STEAP3: variants seen among roughly 807,000 people sequenced by gnomAD.
STEAP3 encodes the protein STEAP3 metalloreductase.
STEAP3 carries 35 observed loss-of-function variants against 34.9 expected under a neutral mutation model. The observed-to-expected ratio is 1.00, with a 90% CI of 0.76 to 1.33. The LOEUF (loss-of-function observed/expected upper bound fraction) is 1.33, where lower values mean the gene tolerates loss of function less well. STEAP3 is among the 40% of genes most tolerant of loss of function. The pLI, the probability that STEAP3 is intolerant of heterozygous loss-of-function variation, is 0.00. For missense variants in STEAP3, 652 were observed against 667.6 expected, an observed-to-expected ratio of 0.98 and a Z score of 0.26; for synonymous variants, 281 against 301.6, an observed-to-expected ratio of 0.93 and a Z score of 0.71.
At position 119,247,663 on chromosome 2, in the gene STEAP3, CA is replaced by C; in HGVS notation, c.523-15del. ...GGCCTGTGACGCCGTCTGACTGCCCCACTTTTCTCCCGCAGGTGCCCATCTG... is the reference window on the plus strand; with the variant it reads ...GGCCTGTGACGCCGTCTGACTGCCCCCTTTTCTCCCGCAGGTGCCCATCTG... On this transcript the variant is annotated splice_polypyrimidine_tract_variant and intron_variant, in intron 3 of 5. Transcript: ENST00000393110. 1.3e-6 allele frequency: 2 copies of C among 1,513,398 alleles called. No homozygotes were observed. The highest frequency in any genetic ancestry group is 1.8e-6 in the Non-Finnish European group (2 of 1,137,284). 93.7% of individuals were successfully genotyped at this position (1,513,398 alleles called of 1,614,324 possible).
At chr2:119,259,650 A>G (rs1307952377) in intron 5 of STEAP3, among the ~76,000 whole-genome samples, 2 of 152,240 alleles carry the variant, frequency 1.3e-5, no homozygotes, top group East Asian at 1.9e-4. Context: ...AGCAAAATTC[A>G]TCACTCTCCA....
intron 2 of STEAP3, among the ~76,000 whole-genome samples, chr2:119,241,692 C>T (rs139446479): frequency 6.6e-5 from 10 of 152,314 alleles, no homozygotes; most frequent in African/African-American, 1.9e-4. Flanking sequence ...GACCAGCTCC[C>T]CTCGGCTGCA....
chr2:119,245,175 G>T (rs10196222), intron 2 of STEAP3: 1 of 378,688 alleles, frequency 2.6e-6, no homozygotes, highest in East Asian at 4.3e-5. Flanking sequence ...CATCACATTG[G>T]TCATGGAAAT....
chr2:119,249,400 T>A (rs1158747780), intron 4 of STEAP3, among the ~76,000 whole-genome samples: 2 of 152,058 alleles, frequency 1.3e-5, no homozygotes, highest in Non-Finnish European at 2.9e-5. Flanking sequence ...ACACTGTCTT[T>A]ATTTTCTCCA....
chr2:119,263,052 C>T lies in STEAP3; in HGVS notation c.1216-5C>T. 6.2e-7 allele frequency: 1 copy of T among 1,601,774 alleles called. No homozygotes were observed. Among genetic ancestry groups the T allele is most frequent in the African/African-American group, 1.3e-5 (1 of 74,972 alleles). On this transcript the variant is annotated splice_polypyrimidine_tract_variant and splice_region_variant and intron_variant, in intron 5 of 5. Coordinates refer to ENST00000393110, the MANE Select transcript of STEAP3 (RefSeq NM_182915.3). ...CCTCACTCCAGCCTTTTTTTCCCTC[C>T]ACAGTCCTCACTGGGCTTTGTGGCC...
chr2:119,226,013 A>C (rs1444959986), intron 1 of STEAP3, among the ~76,000 whole-genome samples: 3 of 152,246 alleles, frequency 2.0e-5, no homozygotes, highest in Non-Finnish European at 4.4e-5. Flanking sequence ...AGACCGAACC[A>C]CTAGCTTTCC....
At chr2:119,223,931 G>T (rs186044038) in intron 1 of STEAP3, 43 bp downstream of exon 1, 2 of 152,264 alleles carry the variant, frequency 1.3e-5, no homozygotes, top group Non-Finnish European at 2.9e-5. Flanking sequence ...TGCGTGCTGC[G>T]CCCGGTCCCC....
intron 3 of STEAP3, 25 bp from the exon 4 acceptor site, chr2:119,247,654 T>G: frequency 6.6e-7 from 1 of 1,510,000 alleles, no homozygotes. Flanking sequence ...TGACGCCGTC[T>G]GACTGCCCCA....
chr2:119,255,312 C>T (rs838075), intron 5 of STEAP3, among the ~76,000 whole-genome samples: 9,588 of 152,114 alleles, frequency 0.063, 356 homozygotes, highest in Non-Finnish European at 0.081. Context: ...TCCCCTTAAC[C>T]CCTTGATTCA....
At chr2:119,257,091 T>C in intron 5 of STEAP3, among the ~76,000 whole-genome samples, 1 of 152,106 alleles carries the variant, frequency 6.6e-6, no homozygotes, top group Non-Finnish European at 1.5e-5. Flanking sequence ...GTTTGCAAAC[T>C]GGCGGACACT....
intron 4 of STEAP3, among the ~76,000 whole-genome samples, chr2:119,253,260 C>G (rs838077): frequency 0.059 from 8,931 of 152,274 alleles, 323 homozygotes; most frequent in Non-Finnish European, 0.081. Context: ...TCCCTAGACT[C>G]CTGGTCCCTT....
At chr2:119,249,641 G>A (rs898022924) in intron 4 of STEAP3, among the ~76,000 whole-genome samples, 16 of 152,018 alleles carry the variant, frequency 1.1e-4, no homozygotes, top group Non-Finnish European at 1.6e-4. Flanking sequence ...CATCCCCTCC[G>A]AGCATGGGGG....
chr2:119,249,604 C>T (rs553047173), intron 4 of STEAP3, among the ~76,000 whole-genome samples: 12 of 152,216 alleles, frequency 7.9e-5, no homozygotes, highest in African/African-American at 2.9e-4. Flanking sequence ...TGAGGCTGGG[C>T]CCTCCCCTAA....
chr2:119,248,439 G>T, intron 4 of STEAP3: 2 of 556,352 alleles, frequency 3.6e-6, no homozygotes, highest in Non-Finnish European at 6.3e-6. Context: ...AGTTGGGGCA[G>T]ACTTAAACAA....
At chr2:119,243,793 C>T (rs1240718562) in intron 2 of STEAP3, among the ~76,000 whole-genome samples, 1 of 152,248 alleles carries the variant, frequency 6.6e-6, no homozygotes, top group African/African-American at 2.4e-5. Context: ...ACAGCTGCTT[C>T]ATAGCAGAGC....
intron 1 of STEAP3, among the ~76,000 whole-genome samples, chr2:119,227,793 C>G (rs2104785680): frequency 7.0e-6 from 1 of 142,188 alleles, no homozygotes; most frequent in Non-Finnish European, 1.6e-5. Context: ...TGTGAGGGAA[C>G]AAGCTTCCCA....
chr2:119,224,485 C>T (rs1678975138), intron 1 of STEAP3, among the ~76,000 whole-genome samples: 3 of 152,210 alleles, frequency 2.0e-5, no homozygotes, highest in Admixed American at 2.0e-4. Flanking sequence ...CGGCAAAGCT[C>T]CCCCTCCTGC....
chr2:119,231,867 A>G (rs915095633), intron 2 of STEAP3, among the ~76,000 whole-genome samples: 2 of 152,144 alleles, frequency 1.3e-5, no homozygotes, highest in Non-Finnish European at 1.5e-5. Flanking sequence ...GTGTGTGGCT[A>G]TAAGTGAGCT....
intron 5 of STEAP3, among the ~76,000 whole-genome samples, chr2:119,262,229 T>C (rs937711905): frequency 1.3e-5 from 2 of 152,190 alleles, no homozygotes; most frequent in Non-Finnish European, 2.9e-5. Flanking sequence ...TTTTGTCTGA[T>C]CTTAACTTAG....
Sources: gnomAD v4.1 joint callset for allele counts (sites outside exome capture counted in the v4.1 genomes callset) on GRCh38, gnomAD v4.1.1 for gene constraint, MANE v1.5 for transcripts, NCBI Gene and HGNC (gene_info 2026-07-23, HGNC 2026-07-21) for gene names.